The following MCF2L2 variants were observed in gnomAD, a reference collection of about 807,000 sequenced individuals.
The protein encoded by MCF2L2 is MCF.2 cell line derived transforming sequence-like 2.
Under a neutral mutation model 150.2 loss-of-function variants are expected in MCF2L2, and 102 were observed. The observed-to-expected ratio is 0.68, with a 90% CI of 0.58 to 0.80. MCF2L2 has a LOEUF of 0.80. Among genes scored for constraint, MCF2L2 ranks in the 30% least tolerant of loss-of-function variants. The pLI is 0.00. For synonymous variants in MCF2L2, 465 were observed against 491.3 expected, an observed-to-expected ratio of 0.95 and a Z score of 0.71; for missense variants, 1,256 against 1,372.8, an observed-to-expected ratio of 0.91 and a Z score of 1.34.
intron 10 of MCF2L2, among the ~76,000 whole-genome samples, chr3:183,300,781 C>T (rs1196095181): frequency 1.3e-5 from 2 of 151,906 alleles, no homozygotes; most frequent in East Asian, 1.9e-4. Flanking sequence ...CTTTGGGAGG[C>T]CGAGGTGGGC....
At chr3:183,230,872 C>T (rs774353438) in intron 16 of MCF2L2, 79 bp downstream of exon 16, 161 of 1,124,644 alleles carry the variant, frequency 1.4e-4, no homozygotes, top group Middle Eastern at 1.2e-3. Context: ...CTTCTGGCAA[C>T]TATTTTGAGT....
chr3:183,189,812 A>G (rs867844662), intron 27 of MCF2L2, among the ~76,000 whole-genome samples: 5 of 152,346 alleles, frequency 3.3e-5, no homozygotes, highest in Middle Eastern at 3.4e-3. Flanking sequence ...CTGCCAGCCC[A>G]GGAGGTCAAG....
chr3:183,194,273 C>T (rs1722007794), intron 26 of MCF2L2, among the ~76,000 whole-genome samples: 2 of 152,042 alleles, frequency 1.3e-5, no homozygotes, highest in Non-Finnish European at 2.9e-5. Flanking sequence ...AGTAGACAGG[C>T]GTTTTCAACA....
intron 3 of MCF2L2, among the ~76,000 whole-genome samples, chr3:183,362,691 G>C (rs1342322990): frequency 1.3e-5 from 2 of 151,616 alleles, no homozygotes; most frequent in African/African-American, 4.8e-5. Context: ...AAGAAACTAT[G>C]TTTAGATACA....
At chr3:183,379,482 C>T (rs1182107455) in intron 2 of MCF2L2, 71 bp from the exon 3 acceptor site, 9 of 1,022,718 alleles carry the variant, frequency 8.8e-6, no homozygotes, top group South Asian at 4.3e-5. Flanking sequence ...GGAAGTTGGG[C>T]GAAAGAATAT....
intron 15 of MCF2L2, among the ~76,000 whole-genome samples, chr3:183,263,608 T>G (rs1725820041): frequency 6.6e-6 from 1 of 152,104 alleles, no homozygotes; most frequent in Admixed American, 6.5e-5. Context: ...TTATCCACAT[T>G]CATGAAATTA....
chr3:183,323,119 ACCCCAAGGTCAGGCAGT>A, intron 6 of MCF2L2, 99 bp downstream of exon 6: 3 of 652,812 alleles, frequency 4.6e-6, no homozygotes, highest in Non-Finnish European at 8.0e-6. Context: ...AATCCCAACC[ACCCCAAGGTCAGGCAGT>A]CACAGGGTGA....
rs992837378 is a variant in MCF2L2, at chr3:183,338,878, A to G, written c.408T>C (p.Arg136=). The G allele has an allele frequency of 6.2e-7, 1 of 1,607,420 alleles. No individual in the cohort carries two copies. Among genetic ancestry groups the G allele is most frequent in the African/African-American group, 1.3e-5 (1 of 74,884 alleles). ...ATGTCCTCTGGATAAAGCGAGATGG[A>G]CGAAGGATGAATATGAGCTGTAAGT... ...PGNLQLIFIL[R]PSRFIQRTFT... is the part of the protein sequence containing the mutation. The change falls in exon 5 of 30, where the codon CGT becomes CGC. Residue 136 remains arginine, a synonymous_variant. Transcript: ENST00000328913.
rs1361209412 is a variant in MCF2L2 at position 183,267,835 on chromosome 3, T to C, written c.1862+9037A>G. ...CCGAGGTGGCACCTGGCTAGGGTCC[T>C]GACCTCCAATCCTTCCCCAGTAACC... On this transcript the variant is annotated intron_variant, in intron 15 of 29. Coordinates refer to ENST00000328913, the MANE Select transcript of MCF2L2 (RefSeq NM_015078.4). The surrounding 1 kb of genome is among the most constrained non-coding windows in gnomAD (Gnocchi z 5.5). Among the ~76,000 whole-genome samples the C allele has an allele frequency of 6.6e-6, 1 of 152,192 alleles. No homozygotes were observed. The highest frequency in any genetic ancestry group is 1.5e-5 in the Non-Finnish European group (1 of 68,028).
chr3:183,327,601 C>CCT (rs1180740733), intron 5 of MCF2L2, among the ~76,000 whole-genome samples: 1 of 152,122 alleles, frequency 6.6e-6, no homozygotes. Flanking sequence ...CCTCTGTCTC[C>CCT]CTCTACCTTC....
chr3:183,368,648 C>T (rs1560043522), intron 3 of MCF2L2, among the ~76,000 whole-genome samples: 1 of 152,132 alleles, frequency 6.6e-6, no homozygotes, highest in Non-Finnish European at 1.5e-5. Flanking sequence ...GCTGTAATCC[C>T]AGCTACTCAG....
Position 183,297,141 on chromosome 3 carries a change from G to T in MCF2L2, c.1332C>A (p.Ile444=). ...CTACAGCTTGGGAAGCCAAGAGGTA[G>T]ATTCCTGCCTCACACCATTGGCTGA... is the stretch of plus-strand genomic sequence containing the variant. ...DKVSQWCEAG[I]YLLASQAVDK... The change falls in exon 12 of 30, where the codon ATC becomes ATA. Residue 444 remains isoleucine, a synonymous_variant. Transcript: ENST00000328913. 6.2e-7 allele frequency: 1 copy of T among 1,614,074 alleles called. No individual in the cohort carries two copies. The highest frequency in any genetic ancestry group is 8.5e-7 in the Non-Finnish European group (1 of 1,179,990).
chr3:183,277,230 T>G (rs62285739), intron 14 of MCF2L2, among the ~76,000 whole-genome samples: 102 of 151,016 alleles, frequency 6.8e-4, no homozygotes, highest in South Asian at 2.7e-3. Flanking sequence ...CCAGCTACTC[T>G]GGAGGCTGAG....
intron 1 of MCF2L2, among the ~76,000 whole-genome samples, chr3:183,410,548 G>A (rs979374341): frequency 6.6e-6 from 1 of 152,190 alleles, no homozygotes; most frequent in Non-Finnish European, 1.5e-5. Context: ...GGTGGGTGCT[G>A]TCTAAATACC....
At chr3:183,250,058 C>T (rs1724444879) in intron 15 of MCF2L2, among the ~76,000 whole-genome samples, 1 of 152,170 alleles carries the variant, frequency 6.6e-6, no homozygotes, top group Admixed American at 6.5e-5. Flanking sequence ...AGGCAAAAGA[C>T]ATATAACTTA....
chr3:183,183,107 C>G (rs550543365), intron 27 of MCF2L2, among the ~76,000 whole-genome samples: 1 of 152,304 alleles, frequency 6.6e-6, no homozygotes, highest in South Asian at 2.1e-4. Flanking sequence ...CTGATCCTCC[C>G]ACATCAGCCT....
At chr3:183,234,687 C>CTTTTTTTTTTTT (rs71185647) in intron 15 of MCF2L2, among the ~76,000 whole-genome samples, 21 of 84,242 alleles carry the variant, frequency 2.5e-4, no homozygotes, top group African/African-American at 3.7e-4. Context: ...ATGTATGACT[C>CTTTTTTTTTTTT]TTTTTTTTTT....
At chr3:183,191,761 T>C (rs1462545081) in intron 27 of MCF2L2, among the ~76,000 whole-genome samples, 4 of 152,210 alleles carry the variant, frequency 2.6e-5, no homozygotes, top group Non-Finnish European at 4.4e-5. Flanking sequence ...AAGGAAGCAT[T>C]TGACGGCTTC....
intron 22 of MCF2L2, among the ~76,000 whole-genome samples, chr3:183,209,391 C>G (rs989705559): frequency 2.0e-5 from 3 of 152,164 alleles, no homozygotes; most frequent in Non-Finnish European, 2.9e-5. Context: ...TTCTGAGAAC[C>G]AGTATGACAC....
Sources: gnomAD v4.1 joint callset for allele counts (sites outside exome capture counted in the v4.1 genomes callset) on GRCh38, gnomAD v4.1.1 for gene constraint, Gnocchi (gnomAD v3.1) non-coding constraint, MANE v1.5 for transcripts, NCBI Gene and HGNC (gene_info 2026-07-23, HGNC 2026-07-21) for gene names.